TMEM38A: variants seen among roughly 807,000 people sequenced by gnomAD.
TMEM38A encodes transmembrane protein 38A.
In TMEM38A, 17 loss-of-function variants were observed where a neutral mutation model predicts 28.6. That is an observed-to-expected ratio of 0.60 (90% confidence interval 0.41 to 0.89). The LOEUF is 0.89. TMEM38A is among the 40% of genes least tolerant of loss of function. The probability of loss-of-function intolerance (pLI) is 0.00; values close to 1 mark genes in which losing one functional copy is unlikely to be tolerated. For missense variants in TMEM38A, 328 were observed against 393.1 expected, an observed-to-expected ratio of 0.83 and a Z score of 1.40; for synonymous variants, 169 against 166.1, an observed-to-expected ratio of 1.02 and a Z score of -0.14.
intron 1 of TMEM38A, among the ~76,000 whole-genome samples, chr19:16,675,462 A>G (rs1218374888): frequency 6.6e-6 from 1 of 151,028 alleles, no homozygotes; most frequent in African/African-American, 2.4e-5. Flanking sequence ...TGGAACTCCT[A>G]GGCTCAAGAG....
chr19:16,661,286 C>T lies in TMEM38A; in HGVS notation c.69C>T (p.Pro23=), dbSNP rs756875037. ...ALSFSRVPLF[P]VFDLSYFIVS... ...GCTTCTCGCGGGTGCCGCTCTTCCC[C>T]GTCTTCGACCTCAGTTACTTCATCG... Residue 23 remains proline, a synonymous_variant, in exon 1 of 6, where the codon CCC becomes CCT. Coordinates refer to ENST00000187762, the MANE Select transcript of TMEM38A (RefSeq NM_024074.4). The surrounding 1 kb of genome is among the most constrained non-coding windows in gnomAD (Gnocchi z 6.5). The T allele has an allele frequency of 2.5e-6, 4 of 1,599,676 alleles. No individual in the cohort carries two copies. The highest frequency in any genetic ancestry group is 1.1e-5 in the South Asian group (1 of 89,300).
chr19:16,682,381 TG>T, intron 3 of TMEM38A, 39 bp from the exon 4 acceptor site: 2 of 1,549,764 alleles, frequency 1.3e-6, no homozygotes, highest in Non-Finnish European at 1.8e-6. Flanking sequence ...AAAGGAGACC[TG>T]GGGGTGGTGG....
chr19:16,678,194 G>A (rs1340922714), intron 1 of TMEM38A, among the ~76,000 whole-genome samples: 1 of 152,116 alleles, frequency 6.6e-6, no homozygotes, highest in Non-Finnish European at 1.5e-5. Flanking sequence ...ACTTTGGGAG[G>A]CCAAGGTGGG....
At chr19:16,680,941 G>A (rs1171054748) in intron 3 of TMEM38A, 3 of 207,730 alleles carry the variant, frequency 1.4e-5, no homozygotes, top group Admixed American at 5.3e-5. Flanking sequence ...CTCCACCCAC[G>A]AGATGCCAGT....
At chr19:16,667,894 T>C (rs926997166) in intron 1 of TMEM38A, among the ~76,000 whole-genome samples, 3 of 148,546 alleles carry the variant, frequency 2.0e-5, no homozygotes, top group Non-Finnish European at 4.5e-5. Flanking sequence ...TTGTCCTGAT[T>C]GTCACCCCTC....
chr19:16,671,201 CTTTTTT>C (rs34550977), intron 1 of TMEM38A, among the ~76,000 whole-genome samples: 25 of 84,856 alleles, frequency 2.9e-4, no homozygotes, highest in African/African-American at 1.6e-3. Context: ...AGGACCTGGG[CTTTTTT>C]TTTTTTTTTT....
rs2086811667 is a variant in TMEM38A at position 16,688,509 on chromosome 19, G to A, written c.*138G>A. The A allele has an allele frequency of 9.4e-6, 6 of 641,022 alleles. No homozygotes were observed. The East Asian group carries it at 2.0e-4, about 22-fold the overall frequency. The allele number at this position is 641,022 out of a possible 1,614,324, so 39.7% of individuals were successfully genotyped here. Reference sequence around the variant, plus strand: ...TCAGGGTCATTGGCTCACCCTCCAGGGCTGATGTGGGGGTTGAGATATGGG... The same window carrying A: ...TCAGGGTCATTGGCTCACCCTCCAGAGCTGATGTGGGGGTTGAGATATGGG... On this transcript the variant is annotated 3_prime_UTR_variant, in exon 6 of 6. Transcript: ENST00000187762.
chr19:16,670,635 G>A (rs916404149), intron 1 of TMEM38A, among the ~76,000 whole-genome samples: 4 of 152,134 alleles, frequency 2.6e-5, no homozygotes, highest in African/African-American at 9.7e-5. Context: ...TTCCCAAGAT[G>A]AGCATCGAAA....
At chr19:16,666,725 T>C (rs1402128225) in intron 1 of TMEM38A, among the ~76,000 whole-genome samples, 1 of 152,084 alleles carries the variant, frequency 6.6e-6, no homozygotes. Context: ...GAAGCCAAGG[T>C]GGCTGGATCA....
chr19:16,682,495 C>T lies in TMEM38A; in HGVS notation c.541C>T (p.Leu181=), dbSNP rs200670438. 1.2e-6 allele frequency: 2 copies of T among 1,614,090 alleles called. No homozygotes were observed. The highest frequency in any genetic ancestry group is 1.7e-6 in the Non-Finnish European group (2 of 1,179,994). The change falls in exon 4 of 6, where the codon CTG becomes TTG. Residue 181 remains leucine, a synonymous_variant. Coordinates refer to ENST00000187762, the MANE Select transcript of TMEM38A (RefSeq NM_024074.4). ...CTGGAAGCCAGAGACCAACGAGATC[C>T]TGCACATGTCTTTGTGAGTATCCCA... The part of the protein sequence containing the change: ...GVWKPETNEI[L]HMSFPTKASL...
At chr19:16,677,454 C>A (rs886920965) in intron 1 of TMEM38A, among the ~76,000 whole-genome samples, 2 of 151,820 alleles carry the variant, frequency 1.3e-5, no homozygotes, top group Non-Finnish European at 2.9e-5. Context: ...CCCAACTCAA[C>A]CTCTTGAGTA....
At chr19:16,683,256 G>A (rs569710799) in intron 4 of TMEM38A, among the ~76,000 whole-genome samples, 21 of 152,206 alleles carry the variant, frequency 1.4e-4, no homozygotes, top group Middle Eastern at 3.4e-3. Context: ...TTACAGGCAT[G>A]AGCCACCCTG....
rs566976190 is a variant in TMEM38A at position 16,686,725 on chromosome 19, T to C, written c.672+320T>C. Among the ~76,000 whole-genome samples the C allele has an allele frequency of 1.2e-4, 19 of 152,216 alleles. 1 individual carries two copies. The highest frequency in any genetic ancestry group is 4.8e-5 in the African/African-American group (2 of 41,554). On this transcript the variant is annotated intron_variant, in intron 5 of 5. Transcript: ENST00000187762. ...CAGCATCAGGTACCCAGGAACTCAGTTGGACCAGGAATACTTCTAGTCTGA... is the reference window on the plus strand; with the variant it reads ...CAGCATCAGGTACCCAGGAACTCAGCTGGACCAGGAATACTTCTAGTCTGA...
At chr19:16,684,471 C>T (rs1239801505) in intron 4 of TMEM38A, among the ~76,000 whole-genome samples, 1 of 151,318 alleles carries the variant, frequency 6.6e-6, no homozygotes, top group African/African-American at 2.4e-5. Flanking sequence ...CAGAGCGAGA[C>T]CTTGTCTCAA....
chr19:16,662,816 C>T (rs1333347408), intron 1 of TMEM38A, among the ~76,000 whole-genome samples: 1 of 152,082 alleles, frequency 6.6e-6, no homozygotes, highest in Non-Finnish European at 1.5e-5. Context: ...CTATTTTTGC[C>T]TATCCACATG....
rs2086674233 is a variant in TMEM38A at position 16,661,212 on chromosome 19, G to T, written c.-6G>T. ...GTGGCACCCGGCAGGCGGGCAGGCGGGCGCCATGGAGCTGCTCTCGGCGCT... is the reference window on the plus strand; with the variant it reads ...GTGGCACCCGGCAGGCGGGCAGGCGTGCGCCATGGAGCTGCTCTCGGCGCT... On this transcript the variant is annotated 5_prime_UTR_variant, in exon 1 of 6. Transcript: ENST00000187762. This position sits in a 1 kb window ranked among gnomAD's most constrained non-coding sequence, Gnocchi z 6.5. 2 of 1,481,152 alleles carry T rather than the reference G, an allele frequency of 1.4e-6. No individual in the cohort carries two copies. 91.8% of individuals were successfully genotyped at this position (1,481,152 alleles called of 1,614,324 possible). A position where few individuals can be genotyped will look rare whatever the true frequency, so the allele number is the denominator to read the frequency against.
intron 1 of TMEM38A, among the ~76,000 whole-genome samples, chr19:16,673,955 T>C (rs2086738541): frequency 6.6e-6 from 1 of 151,326 alleles, no homozygotes; most frequent in Non-Finnish European, 1.5e-5. Flanking sequence ...GTATAAAAAT[T>C]GGCCAGGCAT....
chr19:16,670,047 G>A (rs1015997804), intron 1 of TMEM38A, among the ~76,000 whole-genome samples: 10 of 151,810 alleles, frequency 6.6e-5, no homozygotes, highest in Non-Finnish European at 1.0e-4. Flanking sequence ...TCAGCTCACC[G>A]CAACCTCCGC....
intron 4 of TMEM38A, 131 bp from the exon 5 acceptor site, chr19:16,686,157 C>T (rs756576556): frequency 2.7e-5 from 17 of 630,610 alleles, no homozygotes; most frequent in Non-Finnish European, 3.8e-5. Context: ...AGTGAGATTC[C>T]ATCTCAAAAG....
Sources: allele counts gnomAD v4.1 joint callset (sites outside exome capture counted in the v4.1 genomes callset), GRCh38; gene constraint gnomAD v4.1.1; non-coding constraint Gnocchi (gnomAD v3.1); transcripts MANE v1.5; gene names NCBI Gene and HGNC (gene_info 2026-07-23, HGNC 2026-07-21).